KCNT2: variants seen among roughly 807,000 people sequenced by gnomAD.
KCNT2 encodes potassium channel subfamily T member 2.
A neutral mutation model predicts 153.8 loss-of-function variants in KCNT2; 67 were observed. The observed-to-expected ratio is 0.44, with a 90% confidence interval of 0.36 to 0.53. The LOEUF (loss-of-function observed/expected upper bound fraction) is 0.53. Among genes scored for constraint, KCNT2 ranks in the 20% least tolerant of loss-of-function variants. The probability of loss-of-function intolerance (pLI) is 0.00; values close to 1 mark genes in which losing one functional copy is unlikely to be tolerated. For synonymous variants in KCNT2, 500 were observed against 458.8 expected (o/e 1.09, Z -1.15); for missense variants, 975 against 1,354.8 (o/e 0.72, Z 4.40).
At chr1:196,572,920 A>G (rs1660940283) in intron 1 of KCNT2, among the ~76,000 whole-genome samples, 1 of 152,086 alleles carries the variant, frequency 6.6e-6, no homozygotes, top group African/African-American at 2.4e-5. Context: ...CTCCATATAC[A>G]TGGAGAAGAA....
intron 12 of KCNT2, among the ~76,000 whole-genome samples, chr1:196,422,568 CA>C (rs1196714479): frequency 6.6e-6 from 1 of 151,814 alleles, no homozygotes; most frequent in Non-Finnish European, 1.5e-5. Flanking sequence ...CAAAGGTTAC[CA>C]AACTGAAATG....
chr1:196,342,424 A>ATATATATATATATATATATGTATC (rs1553292523), intron 14 of KCNT2, among the ~76,000 whole-genome samples, 196 bp from the exon 15 acceptor site: 1 of 27,728 alleles, frequency 3.6e-5, no homozygotes, highest in Non-Finnish European at 9.3e-5. Context: ...TGAATACTAT[A>ATATATATATATATATATATGTATC]TATATATATA....
intron 25 of KCNT2, among the ~76,000 whole-genome samples, chr1:196,265,072 T>C (rs778359514): frequency 3.9e-5 from 6 of 152,172 alleles, no homozygotes; most frequent in African/African-American, 7.2e-5. Flanking sequence ...GCCCTTTCAA[T>C]ACCCTCTTAG....
intron 1 of KCNT2, among the ~76,000 whole-genome samples, chr1:196,538,773 A>T (rs918142433): frequency 6.6e-6 from 1 of 152,198 alleles, no homozygotes; most frequent in Non-Finnish European, 1.5e-5. Context: ...TCATACTGAA[A>T]TTCTGTTTTA....
chr1:196,342,106 G>A lies in KCNT2; in HGVS notation c.1526C>T (p.Thr509Ile), dbSNP rs778332925. 6.2e-6 allele frequency: 10 copies of A among 1,609,794 alleles called. No homozygotes were observed. The highest frequency in any genetic ancestry group is 5.1e-6 in the Non-Finnish European group (6 of 1,177,772). Residue 509 changes from threonine (T) to isoleucine (I), a missense_variant, in exon 15 of 28, where the codon ACA becomes ATA. Transcript: ENST00000294725. ...TTTGTGTGCATGGAAAGAGGCATAT[G>A]TAAAACTCTTTCCTTCATATTCAGC... is the stretch of plus-strand genomic sequence containing the variant. ...FFAEYEGKSF[T>I]YASFHAHKKF...
At chr1:196,590,382 G>T (rs1374020052) in intron 1 of KCNT2, among the ~76,000 whole-genome samples, 1 of 152,190 alleles carries the variant, frequency 6.6e-6, no homozygotes, top group East Asian at 1.9e-4. Context: ...GATAATATTT[G>T]TTAACAAGCA....
intron 8 of KCNT2, among the ~76,000 whole-genome samples, chr1:196,463,868 A>G (rs768894681): frequency 6.6e-6 from 1 of 151,836 alleles, no homozygotes; most frequent in Non-Finnish European, 1.5e-5. Context: ...ATTTATTGTG[A>G]TGAAGATGCC....
intron 13 of KCNT2, among the ~76,000 whole-genome samples, chr1:196,383,330 T>C (rs141879765): frequency 7.9e-4 from 120 of 152,360 alleles, no homozygotes; most frequent in Admixed American, 7.0e-3. Flanking sequence ...GTAGTCTATA[T>C]GTTTTCCAAA....
At position 196,482,372 on chromosome 1, in the gene KCNT2, T is replaced by C. The variant is rs763708428; in HGVS notation, c.283A>G (p.Ile95Val). The C allele has an allele frequency of 5.9e-6, 9 of 1,537,678 alleles. No homozygotes were observed. The highest frequency in any genetic ancestry group is 7.9e-6 in the Non-Finnish European group (9 of 1,135,906). ...NPSQGNEWSH[I>V]FWVNRSLPLW... ...GGTAGACTTCTGTTCACCCAAAAGA[T>C]ATGAGACCTATAAAAAGAATAATAA... is the stretch of plus-strand genomic sequence containing the variant. Residue 95 changes from isoleucine (I) to valine (V), a missense_variant, in exon 4 of 28, where the codon ATC becomes GTC. Around this residue, in one of 6 missense-constraint regions of KCNT2, gnomAD observed 140 missense variants for 216.0 expected, o/e 0.65. Transcript: ENST00000294725.
At chr1:196,336,432 T>C (rs1001150119) in intron 16 of KCNT2, among the ~76,000 whole-genome samples, 17 of 152,162 alleles carry the variant, frequency 1.1e-4, no homozygotes, top group African/African-American at 1.4e-4. Flanking sequence ...CCAAAATACA[T>C]CTTTTCACTT....
At chr1:196,348,005 C>A (rs1222250660) in intron 14 of KCNT2, among the ~76,000 whole-genome samples, 1 of 151,958 alleles carries the variant, frequency 6.6e-6, no homozygotes, top group African/African-American at 2.4e-5. Context: ...CACTATATCC[C>A]CAAGACATGA....
At chr1:196,270,637 T>G (rs1423383722) in intron 25 of KCNT2, among the ~76,000 whole-genome samples, 1 of 152,082 alleles carries the variant, frequency 6.6e-6, no homozygotes, top group Non-Finnish European at 1.5e-5. Context: ...GCCAGCTCTG[T>G]TAACTTAGCA....
At chr1:196,377,385 A>T (rs185710383) in intron 13 of KCNT2, among the ~76,000 whole-genome samples, 14 of 152,050 alleles carry the variant, frequency 9.2e-5, no homozygotes, top group African/African-American at 3.1e-4. Flanking sequence ...TTTTTATCAA[A>T]TAATTTTCTA....
chr1:196,379,221 T>C (rs933222197), intron 13 of KCNT2, among the ~76,000 whole-genome samples: 1 of 152,176 alleles, frequency 6.6e-6, no homozygotes, highest in Non-Finnish European at 1.5e-5. Flanking sequence ...TCTGTCATTT[T>C]TTTTCCTTCT....
chr1:196,472,681 C>T (rs1013007884), intron 5 of KCNT2, among the ~76,000 whole-genome samples: 2 of 152,130 alleles, frequency 1.3e-5, no homozygotes, highest in Non-Finnish European at 2.9e-5. Context: ...TAACACAAAC[C>T]AAAAATCTTG....
At chr1:196,383,518 G>C (rs1344598563) in intron 13 of KCNT2, among the ~76,000 whole-genome samples, 2 of 152,088 alleles carry the variant, frequency 1.3e-5, no homozygotes, top group African/African-American at 4.8e-5. Flanking sequence ...GAGTTGATGA[G>C]GTGGAAGGAG....
chr1:196,407,114 A>T (rs1409631721), intron 12 of KCNT2, among the ~76,000 whole-genome samples: 2 of 151,358 alleles, frequency 1.3e-5, no homozygotes, highest in Non-Finnish European at 3.0e-5. Flanking sequence ...TACTTACTTA[A>T]ATCCTCTCCC....
intron 26 of KCNT2, among the ~76,000 whole-genome samples, chr1:196,238,906 A>G (rs1433612145): frequency 2.0e-5 from 3 of 151,986 alleles, no homozygotes; most frequent in Middle Eastern, 6.8e-3. Flanking sequence ...ACATTCAACA[A>G]TAGTTTCTAT....
At chr1:196,334,144 A>G in intron 16 of KCNT2, 84 bp from the exon 17 acceptor site, 1 of 740,978 alleles carries the variant, frequency 1.3e-6, no homozygotes, top group Non-Finnish European at 2.3e-6. Context: ...TATGAAATAT[A>G]ATAAACACAA....
Sources: gnomAD v4.1 joint callset for allele counts (sites outside exome capture counted in the v4.1 genomes callset) on GRCh38, gnomAD v4.1.1 for gene constraint, gnomAD v4.1.1 regional missense constraint, MANE v1.5 for transcripts, NCBI Gene and HGNC (gene_info 2026-07-23, HGNC 2026-07-21) for gene names.